The following FRY variants were observed in gnomAD, a reference collection of about 807,000 sequenced individuals.
FRY encodes the protein protein furry homolog.
Under a neutral mutation model 348.4 loss-of-function variants are expected in FRY, and 128 were observed. That is an observed-to-expected ratio of 0.37 (90% CI 0.32 to 0.43). The LOEUF (loss-of-function observed/expected upper bound fraction) is 0.43, where lower values mean the gene tolerates loss of function less well. FRY is among the 20% of genes least tolerant of loss of function. The probability of loss-of-function intolerance (pLI) is 1.00; values close to 1 mark genes in which losing one functional copy is unlikely to be tolerated. For missense variants in FRY, 2,736 were observed against 3,695.2 expected (o/e 0.74, Z 6.73); for synonymous variants, 1,370 against 1,374.7 (o/e 1.00, Z 0.08).
At chr13:32,219,734 G>A (rs542173207) in intron 36 of FRY, among the ~76,000 whole-genome samples, 1 of 152,242 alleles carries the variant, frequency 6.6e-6, no homozygotes, top group African/African-American at 2.4e-5. Flanking sequence ...ACTGTAGCCT[G>A]GGCGAAAACA....
At chr13:32,178,105 C>A in intron 20 of FRY, 72 bp from the exon 21 acceptor site, 1 of 1,530,370 alleles carries the variant, frequency 6.5e-7, no homozygotes, top group South Asian at 1.1e-5. Flanking sequence ...AATGAGTAGT[C>A]AGGCTGAGCC....
chr13:32,167,864 A>G (rs1286234391), intron 17 of FRY, among the ~76,000 whole-genome samples: 1 of 152,194 alleles, frequency 6.6e-6, no homozygotes. Flanking sequence ...AGTGTTTTCA[A>G]ACCATGGACT....
intron 41 of FRY, among the ~76,000 whole-genome samples, chr13:32,231,853 G>A (rs1885933917): frequency 1.3e-5 from 2 of 152,196 alleles, no homozygotes; most frequent in Non-Finnish European, 2.9e-5. Context: ...TGATTTGTGT[G>A]TGAAACTTAA....
intron 2 of FRY, among the ~76,000 whole-genome samples, chr13:32,089,412 A>G (rs932148264): frequency 3.9e-5 from 6 of 152,170 alleles, no homozygotes; most frequent in African/African-American, 1.4e-4. Flanking sequence ...GGCTTTCCCA[A>G]GATGATTCAG....
intron 35 of FRY, among the ~76,000 whole-genome samples, chr13:32,216,916 G>T (rs9567440): frequency 0.13 from 19,726 of 152,198 alleles, 1,443 homozygotes; most frequent in East Asian, 0.25. Flanking sequence ...GGGAAATGTT[G>T]TTGCAAATAT....
chr13:32,128,309 G>T (rs1879152126), intron 7 of FRY, among the ~76,000 whole-genome samples: 1 of 152,148 alleles, frequency 6.6e-6, no homozygotes, highest in Non-Finnish European at 1.5e-5. Flanking sequence ...ATAGTGAATA[G>T]TGATTGACTA....
At chr13:32,219,792 C>G (rs1208995430) in intron 36 of FRY, among the ~76,000 whole-genome samples, 2 of 152,078 alleles carry the variant, frequency 1.3e-5, no homozygotes, top group African/African-American at 4.8e-5. Flanking sequence ...TGGGTTTAAC[C>G]TTGAAGCTTT....
intron 51 of FRY, among the ~76,000 whole-genome samples, chr13:32,255,754 A>C (rs781734150): frequency 1.3e-5 from 2 of 152,266 alleles, no homozygotes; most frequent in Admixed American, 6.5e-5. Flanking sequence ...AGTCTAAAGC[A>C]AAATACAACT....
At chr13:32,134,233 C>T (rs2138770719) in intron 8 of FRY, among the ~76,000 whole-genome samples, 1 of 152,320 alleles carries the variant, frequency 6.6e-6, no homozygotes, top group East Asian at 1.9e-4. Context: ...GGCAGGCCAA[C>T]TTTCCTACAG....
intron 36 of FRY, among the ~76,000 whole-genome samples, chr13:32,219,158 A>G (rs1299909287): frequency 6.8e-6 from 1 of 147,304 alleles, no homozygotes; most frequent in African/African-American, 2.5e-5. Context: ...GCACCATCTC[A>G]GCTCACTGCA....
At chr13:32,145,718 G>C (rs894391411) in intron 11 of FRY, among the ~76,000 whole-genome samples, 17 of 150,730 alleles carry the variant, frequency 1.1e-4, no homozygotes, top group African/African-American at 2.4e-5. Flanking sequence ...CTAATTTTTT[G>C]TATTTTTAGT....
At chr13:32,276,424 A>G (rs1322732206) in intron 56 of FRY, 40 bp from the exon 57 acceptor site, 3 of 969,368 alleles carry the variant, frequency 3.1e-6, no homozygotes, top group South Asian at 2.6e-5. Flanking sequence ...TTGTGTTGGT[A>G]TCTCTCTAGT....
intron 58 of FRY, among the ~76,000 whole-genome samples, chr13:32,280,868 C>G (rs1888776529): frequency 6.6e-6 from 1 of 152,142 alleles, no homozygotes; most frequent in Admixed American, 6.5e-5. Flanking sequence ...CCAAACATTC[C>G]AACTTTAAAA....
At chr13:32,244,984 G>A (rs111905125) in intron 47 of FRY, among the ~76,000 whole-genome samples, 1,598 of 151,740 alleles carry the variant, frequency 0.011, 32 homozygotes, top group African/African-American at 0.036. Context: ...ACTGAGTCTC[G>A]CTCTGTCCAG....
chr13:32,247,041 T>C (rs1199704281), intron 47 of FRY, among the ~76,000 whole-genome samples: 1 of 151,930 alleles, frequency 6.6e-6, no homozygotes, highest in African/African-American at 2.4e-5. Context: ...TTCCCTCAAA[T>C]TAAGGAGGTG....
chr13:32,049,842 T>C (rs1203819858), intron 1 of FRY, among the ~76,000 whole-genome samples: 2 of 152,152 alleles, frequency 1.3e-5, no homozygotes, highest in Non-Finnish European at 2.9e-5. Flanking sequence ...TTTTAATGTA[T>C]GATAAAAAAC....
At chr13:32,097,407 G>A (rs1482369133) in intron 2 of FRY, among the ~76,000 whole-genome samples, 4 of 138,924 alleles carry the variant, frequency 2.9e-5, no homozygotes, top group Admixed American at 7.8e-5. Flanking sequence ...TGTGGCCCCA[G>A]GCTGAGTGCA....
intron 16 of FRY, 141 bp downstream of exon 16, chr13:32,157,546 C>A: frequency 1.4e-6 from 1 of 722,016 alleles, no homozygotes; most frequent in Non-Finnish European, 2.3e-6. Flanking sequence ...AAAACCTTCA[C>A]AGTATTTGAT....
chr13:32,278,062 G>T (rs564635239), intron 57 of FRY, among the ~76,000 whole-genome samples: 1 of 152,336 alleles, frequency 6.6e-6, no homozygotes, highest in African/African-American at 2.4e-5. Flanking sequence ...CATGACAGAA[G>T]TAGGTGTGTC....
Sources: allele counts gnomAD v4.1 joint callset (sites outside exome capture counted in the v4.1 genomes callset), GRCh38; gene constraint gnomAD v4.1.1; transcripts MANE v1.5; gene names NCBI Gene and HGNC (gene_info 2026-07-23, HGNC 2026-07-21).